Variants in DSCAML1 observed in about 807,000 individuals in gnomAD.
The protein encoded by DSCAML1 is cell adhesion molecule DSCAML1.
In DSCAML1, 38 loss-of-function variants were observed where a neutral mutation model predicts 200.5. That is an observed-to-expected ratio of 0.19 (90% CI 0.15 to 0.25). The LOEUF (loss-of-function observed/expected upper bound fraction) is 0.25. DSCAML1 is among the 10% of genes least tolerant of loss of function. The pLI, the probability that DSCAML1 is intolerant of heterozygous loss-of-function variation, is 1.00. For synonymous variants in DSCAML1, 1,215 were observed against 1,165.0 expected (o/e 1.04, Z -0.87); for missense variants, 2,223 against 2,858.8 (o/e 0.78, Z 5.07).
chr11:117,598,768 G>A (rs973114715), intron 3 of DSCAML1, among the ~76,000 whole-genome samples: 1 of 152,142 alleles, frequency 6.6e-6, no homozygotes, highest in African/African-American at 2.4e-5. Flanking sequence ...CAACTTTCCT[G>A]GGCACAAAGC....
chr11:117,755,074 T>A (rs867595934), intron 3 of DSCAML1, among the ~76,000 whole-genome samples: 12 of 152,278 alleles, frequency 7.9e-5, no homozygotes, highest in South Asian at 2.1e-4. Flanking sequence ...TTGGAAGAAC[T>A]GCCCCCAAGG....
Position 117,437,890 on chromosome 11 carries a change from C to G in DSCAML1, c.4432+5G>C. 6.2e-7 allele frequency: 1 copy of G among 1,602,074 alleles called. No individual in the cohort carries two copies. Among genetic ancestry groups the G allele is most frequent in the East Asian group, 2.2e-5 (1 of 44,794 alleles). ...CCTTCCCTGCCCCAGTGGCCTGGGC[C>G]TCACCCCGCCCGTGGGTCTTGGCCT... is the stretch of plus-strand genomic sequence containing the variant. On this transcript the variant is annotated splice_donor_5th_base_variant and intron_variant, in intron 25 of 32. Coordinates refer to ENST00000651296, the MANE Select transcript of DSCAML1 (RefSeq NM_020693.4). The surrounding 1 kb of genome is among the most constrained non-coding windows in gnomAD (Gnocchi z 5.3).
At chr11:117,598,091 A>G (rs1011590742) in intron 3 of DSCAML1, among the ~76,000 whole-genome samples, 17 of 152,182 alleles carry the variant, frequency 1.1e-4, no homozygotes, top group African/African-American at 4.1e-4. Flanking sequence ...GTGGGTGGTC[A>G]CAGCTTACAA....
chr11:117,726,652 C>T lies in DSCAML1; in HGVS notation c.511+50139G>A, dbSNP rs538062604. ...GACCTCCACTCTTTCTTCGCAAGAT[C>T]TAGTGTTCAAGCCATCTGCTGAGTA... On this transcript the variant is annotated intron_variant, in intron 3 of 32. Transcript: ENST00000651296. Among the ~76,000 whole-genome samples the T allele has an allele frequency of 5.3e-5, 8 of 152,150 alleles. No individual in the cohort carries two copies. The South Asian group carries it at 1.7e-3, about 32-fold the overall frequency.
intron 3 of DSCAML1, among the ~76,000 whole-genome samples, chr11:117,634,973 G>C (rs1264671277): frequency 6.6e-6 from 1 of 152,200 alleles, no homozygotes; most frequent in African/African-American, 2.4e-5. Flanking sequence ...GGGCACGAGT[G>C]TGGCCACGCC....
chr11:117,516,831 T>A lies in DSCAML1; in HGVS notation c.1511-92A>T. The A allele has an allele frequency of 6.8e-7, 1 of 1,472,718 alleles. No individual in the cohort carries two copies. Among genetic ancestry groups the A allele is most frequent in the Non-Finnish European group, 9.1e-7 (1 of 1,102,142 alleles). The allele number at this position is 1,472,718 out of a possible 1,614,324, so 91.2% of individuals were successfully genotyped here. On this transcript the variant is annotated intron_variant, in intron 7 of 32. Coordinates refer to ENST00000651296, the MANE Select transcript of DSCAML1 (RefSeq NM_020693.4). The surrounding 1 kb of genome is among the most constrained non-coding windows in gnomAD (Gnocchi z 5.7). ...CAGGCACCACCCTGCGGTGCTCTTC[T>A]CAGGCACTCGGCCCCTGAGACTTTC...
chr11:117,718,630 C>G (rs2053992020), intron 3 of DSCAML1, among the ~76,000 whole-genome samples: 1 of 133,512 alleles, frequency 7.5e-6, no homozygotes. Context: ...CCCAGTTTTT[C>G]TTTCTAAAAA....
At chr11:117,578,356 C>T (rs886709455) in intron 3 of DSCAML1, among the ~76,000 whole-genome samples, 2 of 152,042 alleles carry the variant, frequency 1.3e-5, no homozygotes, top group African/African-American at 2.4e-5. Context: ...TTCCTGCTTC[C>T]TCCCTTCTGT....
intron 11 of DSCAML1, among the ~76,000 whole-genome samples, chr11:117,486,911 CTTTTTTTTTTTTTTTTTTT>C (rs56805170): frequency 1.3e-5 from 1 of 79,622 alleles, no homozygotes; most frequent in East Asian, 4.2e-4. Context: ...TGTAAAATAC[CTTTTTTTTTTTTTTTTTTT>C]TTTTTTTTTT....
chr11:117,816,375 C>T (rs1043190662), intron 1 of DSCAML1, among the ~76,000 whole-genome samples: 11 of 152,230 alleles, frequency 7.2e-5, no homozygotes, highest in Admixed American at 6.5e-4. Flanking sequence ...ACAACAGGGC[C>T]GAGCTGCCGT....
At chr11:117,460,945 C>T (rs1199698345) in intron 18 of DSCAML1, among the ~76,000 whole-genome samples, 1 of 152,004 alleles carries the variant, frequency 6.6e-6, no homozygotes, top group African/African-American at 2.4e-5. Flanking sequence ...CCTGCTGATG[C>T]TGGTCCCAGG....
Position 117,516,678 on chromosome 11 carries a change from G to A in DSCAML1, c.1572C>T (p.Ile524=). Residue 524 remains isoleucine, a synonymous_variant, in exon 8 of 33, where the codon ATC becomes ATT. Transcript: ENST00000651296. This position sits in a 1 kb window ranked among gnomAD's most constrained non-coding sequence, Gnocchi z 5.7. ...AGGGATAGCCGATGACCCTGCAGTTGATAAGGGTGTCCCGCCCGGCGACTG... is the reference window on the plus strand; with the variant it reads ...AGGGATAGCCGATGACCCTGCAGTTAATAAGGGTGTCCCGCCCGGCGACTG... ...ITAVAGRDTL[I]NCRVIGYPYY... is the part of the protein sequence containing the mutation. The A allele has an allele frequency of 6.2e-7, 1 of 1,614,086 alleles. No individual in the cohort carries two copies. Among genetic ancestry groups the A allele is most frequent in the Non-Finnish European group, 8.5e-7 (1 of 1,180,012 alleles).
At chr11:117,710,171 G>A (rs1015900561) in intron 3 of DSCAML1, among the ~76,000 whole-genome samples, 2 of 152,100 alleles carry the variant, frequency 1.3e-5, no homozygotes, top group African/African-American at 2.4e-5. Context: ...TGAGATCATC[G>A]TTAAAGATTC....
intron 14 of DSCAML1, among the ~76,000 whole-genome samples, chr11:117,475,966 C>T (rs529898312): frequency 3.5e-4 from 54 of 152,292 alleles, no homozygotes; most frequent in Middle Eastern, 6.8e-3. Flanking sequence ...ACTGTCATCT[C>T]CCTGACCCTG....
intron 3 of DSCAML1, among the ~76,000 whole-genome samples, chr11:117,743,238 T>C (rs1222554116): frequency 2.0e-5 from 3 of 151,900 alleles, no homozygotes; most frequent in African/African-American, 7.3e-5. Context: ...AGGGAGAAAG[T>C]GGTGAGAGAG....
At chr11:117,799,865 G>A (rs2055640982), upstream of DSCAML1, among the ~76,000 whole-genome samples, 2 of 152,224 alleles carry the variant, frequency 1.3e-5, no homozygotes, top group South Asian at 4.1e-4. Context: ...ACCATGAATG[G>A]GAACAGCTTT....
intron 21 of DSCAML1, among the ~76,000 whole-genome samples, chr11:117,441,854 G>A (rs1481297967): frequency 2.0e-5 from 3 of 152,154 alleles, no homozygotes; most frequent in Admixed American, 6.5e-5. Context: ...GCCTCCATGC[G>A]GGGGCGGTGA....
chr11:117,461,882 G>A (rs2048489783), intron 17 of DSCAML1, among the ~76,000 whole-genome samples: 1 of 152,204 alleles, frequency 6.6e-6, no homozygotes, highest in Non-Finnish European at 1.5e-5. Flanking sequence ...GGGGAAGAAG[G>A]TGAGGAACTC....
chr11:117,728,309 A>G (rs2054166096), intron 3 of DSCAML1, among the ~76,000 whole-genome samples: 1 of 152,162 alleles, frequency 6.6e-6, no homozygotes, highest in East Asian at 1.9e-4. Context: ...TCTGTGATAA[A>G]CCTCTAGCTA....
Sources: allele counts gnomAD v4.1 joint callset (sites outside exome capture counted in the v4.1 genomes callset), GRCh38; gene constraint gnomAD v4.1.1; non-coding constraint Gnocchi (gnomAD v3.1); transcripts MANE v1.5; gene names NCBI Gene and HGNC (gene_info 2026-07-23, HGNC 2026-07-21).